The following TRIM44 variants were observed in gnomAD, a reference collection of about 807,000 sequenced individuals.
TRIM44 encodes tripartite motif containing 44, also known as tripartite motif-containing protein 44.
A neutral mutation model predicts 37.4 loss-of-function variants in TRIM44; 13 were observed. That is an observed-to-expected ratio of 0.35 (90% CI 0.23 to 0.55). The LOEUF (loss-of-function observed/expected upper bound fraction) is 0.55. Among genes scored for constraint, TRIM44 ranks in the 20% least tolerant of loss-of-function variants. TRIM44 has a pLI of 0.89. For synonymous variants in TRIM44, 175 were observed against 157.2 expected, an observed-to-expected ratio of 1.11 and a Z score of -0.85; for missense variants, 426 against 437.2, an observed-to-expected ratio of 0.97 and a Z score of 0.23.
intron 4 of TRIM44, among the ~76,000 whole-genome samples, chr11:35,756,676 TC>T (rs1276740102): frequency 6.6e-6 from 1 of 152,184 alleles, no homozygotes; most frequent in Non-Finnish European, 1.5e-5. Context: ...TCAAGATACA[TC>T]CCATCAATAC....
chr11:35,771,500 C>T (rs565167982), intron 4 of TRIM44, among the ~76,000 whole-genome samples: 12 of 152,060 alleles, frequency 7.9e-5, no homozygotes, highest in African/African-American at 2.7e-4. Context: ...CCAAGGTGGG[C>T]GGATTATGAG....
At chr11:35,782,443 T>TA (rs934672322) in intron 4 of TRIM44, among the ~76,000 whole-genome samples, 1 of 152,136 alleles carries the variant, frequency 6.6e-6, no homozygotes, top group Non-Finnish European at 1.5e-5. Context: ...AATAAGTAAA[T>TA]AAAGGTATGT....
Position 35,663,065 on chromosome 11 carries a change from C to G in TRIM44, c.-47C>G. 3 of 1,472,560 alleles carry G rather than the reference C, an allele frequency of 2.0e-6. No individual in the cohort carries two copies. The highest frequency in any genetic ancestry group is 2.7e-6 in the Non-Finnish European group (3 of 1,119,858). The allele number at this position is 1,472,560 out of a possible 1,614,324, so 91.2% of individuals were successfully genotyped here. A position where few individuals can be genotyped will look rare whatever the true frequency, so the allele number is the denominator to read the frequency against. On this transcript the variant is annotated 5_prime_UTR_variant, in exon 1 of 5. Transcript: ENST00000299413. ...GAAGTGAGGCCGCGCGGAAGGAAGG[C>G]GGCGAGCCCCGGGGCCCCGAGGCCT...
rs767861186 is a variant in TRIM44, at chr11:35,809,226, A to AGAT, written c.*2843_*2845dup. ...TGAGCTGTCTCTTAGATAATAAAAC[A>AGAT]GATGGGGAGTGGAAGAGTCATTTGC... On this transcript the variant is annotated 3_prime_UTR_variant, in exon 5 of 5. Transcript: ENST00000299413. 6.6e-6 allele frequency: 1 copy of AGAT among 152,332 alleles called. No individual in the cohort carries two copies. Among genetic ancestry groups the AGAT allele is most frequent in the South Asian group, 2.1e-4 (1 of 4,826 alleles). 9.4% of individuals were successfully genotyped at this position (152,332 alleles called of 1,614,324 possible).
In TRIM44 at chr11:35,809,124, G is replaced by T. The variant is rs1197470610; in HGVS notation, c.*2739G>T. The T allele has an allele frequency of 6.6e-6, 1 of 152,224 alleles. No homozygotes were observed. The highest frequency in any genetic ancestry group is 2.4e-5 in the African/African-American group (1 of 41,456). The allele number at this position is 152,224 out of a possible 1,614,324, so 9.4% of individuals were successfully genotyped here. On this transcript the variant is annotated 3_prime_UTR_variant, in exon 5 of 5. Coordinates refer to ENST00000299413, the MANE Select transcript of TRIM44 (RefSeq NM_017583.6). ...ATCATTAAATCCAGGACAGTCCCAA[G>T]AAGTGCTTGGAGTCTCGGCTCTGAC...
chr11:35,791,596 C>A (rs1247196266), intron 4 of TRIM44, among the ~76,000 whole-genome samples: 1 of 152,136 alleles, frequency 6.6e-6, no homozygotes, highest in East Asian at 1.9e-4. Flanking sequence ...CTCAGCCATT[C>A]TGAACTTTTC....
chr11:35,676,084 T>A (rs1309336897), intron 1 of TRIM44, among the ~76,000 whole-genome samples: 1 of 152,212 alleles, frequency 6.6e-6, no homozygotes, highest in East Asian at 1.9e-4. Context: ...TTCCACCTAC[T>A]AGCTGTATAA....
chr11:35,700,294 A>G (rs1444990298), intron 2 of TRIM44, among the ~76,000 whole-genome samples: 1 of 152,190 alleles, frequency 6.6e-6, no homozygotes, highest in African/African-American at 2.4e-5. Flanking sequence ...CAAGGTGTTC[A>G]CACACAGAAT....
intron 4 of TRIM44, among the ~76,000 whole-genome samples, chr11:35,801,869 T>C (rs1037031634): frequency 6.6e-6 from 1 of 152,246 alleles, no homozygotes; most frequent in African/African-American, 2.4e-5. Flanking sequence ...TAAACTTTTT[T>C]GTTTTACATC....
intron 4 of TRIM44, among the ~76,000 whole-genome samples, chr11:35,750,225 A>AT (rs1321255731): frequency 1.3e-5 from 2 of 152,176 alleles, no homozygotes; most frequent in African/African-American, 4.8e-5. Flanking sequence ...CCAGAACCAA[A>AT]TGCAGTCCTT....
chr11:35,692,558 T>C (rs535904613), intron 2 of TRIM44, among the ~76,000 whole-genome samples: 1 of 152,268 alleles, frequency 6.6e-6, no homozygotes, highest in Admixed American at 6.5e-5. Flanking sequence ...TCAAAGAATT[T>C]TGGAGTTTGG....
At chr11:35,760,066 GTTTGCT>G (rs1852701405) in intron 4 of TRIM44, among the ~76,000 whole-genome samples, 17 of 152,220 alleles carry the variant, frequency 1.1e-4, no homozygotes, top group Admixed American at 1.1e-3. Context: ...GCTGCGTTTT[GTTTGCT>G]TATGCCCTGC....
chr11:35,697,152 G>A (rs1291529446), intron 2 of TRIM44, among the ~76,000 whole-genome samples: 1 of 150,932 alleles, frequency 6.6e-6, no homozygotes, highest in Non-Finnish European at 1.5e-5. Context: ...CCATGTTGGT[G>A]TGCTGCACCC....
intron 2 of TRIM44, among the ~76,000 whole-genome samples, chr11:35,722,546 C>T (rs1339875223): frequency 6.6e-6 from 1 of 152,182 alleles, no homozygotes; most frequent in African/African-American, 2.4e-5. Flanking sequence ...ATTATTCATG[C>T]CTCCCCTTTT....
intron 4 of TRIM44, among the ~76,000 whole-genome samples, chr11:35,744,758 T>G (rs1354544796): frequency 6.6e-6 from 1 of 152,166 alleles, no homozygotes; most frequent in Non-Finnish European, 1.5e-5. Context: ...ATTTGTGGTG[T>G]TCCCCCCATG....
At chr11:35,763,564 T>C (rs1852755616) in intron 4 of TRIM44, among the ~76,000 whole-genome samples, 1 of 152,200 alleles carries the variant, frequency 6.6e-6, no homozygotes, top group Non-Finnish European at 1.5e-5. Flanking sequence ...ATGAGAGTCC[T>C]GAGTTTGATG....
At chr11:35,697,425 G>A (rs1590515756) in intron 2 of TRIM44, among the ~76,000 whole-genome samples, 1 of 147,124 alleles carries the variant, frequency 6.8e-6, no homozygotes, top group South Asian at 2.2e-4. Flanking sequence ...AGTATTCCAT[G>A]GTGTATATGT....
At chr11:35,730,942 A>T (rs1411152850) in intron 3 of TRIM44, among the ~76,000 whole-genome samples, 2 of 146,260 alleles carry the variant, frequency 1.4e-5, no homozygotes, top group African/African-American at 5.1e-5. Context: ...TATTAGCCTT[A>T]TATCTTGTAA....
rs149318521 is a variant in TRIM44 at position 35,725,931 on chromosome 11, G to T, written c.755G>T (p.Arg252Leu). 6.2e-7 allele frequency: 1 copy of T among 1,613,732 alleles called. No homozygotes were observed. The highest frequency in any genetic ancestry group is 1.1e-5 in the South Asian group (1 of 91,014). Residue 252 changes from arginine to leucine, a missense_variant, in exon 3 of 5, where the codon CGG (arginine) becomes CTG (leucine). Physicochemically the swap from Arg to Leu is moderately radical, Grantham distance 102. Transcript: ENST00000299413. ...TTTGTCTCTGTTCTAAAGGTAACTC[G>T]GGACCAAATGAAGATGTTTATACAG... ...KFKSSDPKVT[R>L]DQMKMFIQQE... is the part of the protein sequence containing the mutation.
Sources: gnomAD v4.1 joint callset for allele counts (sites outside exome capture counted in the v4.1 genomes callset) on GRCh38, gnomAD v4.1.1 for gene constraint, MANE v1.5 for transcripts, NCBI Gene and HGNC (gene_info 2026-07-23, HGNC 2026-07-21) for gene names.